LRSAM1: variants seen among roughly 807,000 people sequenced by gnomAD.
LRSAM1 encodes E3 ubiquitin-protein ligase LRSAM1.
Under a neutral mutation model 118.1 loss-of-function variants are expected in LRSAM1, and 96 were observed. That is an observed-to-expected ratio of 0.81 (90% CI 0.69 to 0.96). The LOEUF (loss-of-function observed/expected upper bound fraction) is 0.96. LRSAM1 is among the 40% of genes least tolerant of loss of function. The pLI is 0.00. For missense variants in LRSAM1, 804 were observed against 915.5 expected (o/e 0.88, Z 1.57); for synonymous variants, 322 against 364.2 (o/e 0.88, Z 1.32).
chr9:127,489,961 TGTGAGCCACG>T (rs1448498053), intron 19 of LRSAM1, among the ~76,000 whole-genome samples: 3 of 152,204 alleles, frequency 2.0e-5, no homozygotes, highest in African/African-American at 7.2e-5. Context: ...CAGGGGGAGC[TGTGAGCCACG>T]GTGGTCCTGA....
intron 9 of LRSAM1, among the ~76,000 whole-genome samples, chr9:127,467,097 A>G (rs1312674243): frequency 6.6e-6 from 1 of 152,176 alleles, no homozygotes; most frequent in Non-Finnish European, 1.5e-5. Flanking sequence ...TTAGCTGGCA[A>G]CCGAGAGGCA....
rs1436729235 is a variant in LRSAM1, at chr9:127,502,911, C to T, written c.*12C>T. 3 of 1,585,290 alleles carry T rather than the reference C, an allele frequency of 1.9e-6. No individual in the cohort carries two copies. The highest frequency in any genetic ancestry group is 2.6e-6 in the Non-Finnish European group (3 of 1,167,158). ...ACCACAGCAGCTGAGTGCTGCCCGC[C>T]CACCTGGGCCTGGTCCTAGCCCTGC... On this transcript the variant is annotated 3_prime_UTR_variant, in exon 26 of 26. Coordinates refer to ENST00000300417, the MANE Select transcript of LRSAM1 (RefSeq NM_001005373.4).
At chr9:127,485,903 G>T (rs1277524451) in intron 17 of LRSAM1, 68 bp downstream of exon 17, 8 of 1,506,546 alleles carry the variant, frequency 5.3e-6, no homozygotes, top group Non-Finnish European at 6.4e-6. Context: ...AAGACCGTGG[G>T]ATGAGAGCTG....
At chr9:127,469,674 A>G (rs926713289) in intron 10 of LRSAM1, among the ~76,000 whole-genome samples, 26 of 149,498 alleles carry the variant, frequency 1.7e-4, no homozygotes, top group African/African-American at 5.3e-4. Flanking sequence ...ATAAAAAAAC[A>G]AAAAATAGGC....
intron 2 of LRSAM1, chr9:127,453,567 G>C (rs993320583): frequency 2.6e-5 from 4 of 152,364 alleles, no homozygotes; most frequent in African/African-American, 9.7e-5. Context: ...ACAGCGTTTG[G>C]GGGGCTAGAA....
At chr9:127,454,412 T>A (rs557444588) in intron 2 of LRSAM1, 84 bp from the exon 3 acceptor site, 53 of 995,468 alleles carry the variant, frequency 5.3e-5, no homozygotes, top group Admixed American at 3.9e-5. Context: ...ACCAGCTGCA[T>A]GCTCTGTGTT....
At chr9:127,472,365 G>T (rs1835205269) in intron 10 of LRSAM1, among the ~76,000 whole-genome samples, 1 of 151,860 alleles carries the variant, frequency 6.6e-6, no homozygotes, top group African/African-American at 2.4e-5. Context: ...AAAGAGGCTG[G>T]GCATGGTGAC....
At chr9:127,462,645 G>A (rs780173932) in intron 9 of LRSAM1, among the ~76,000 whole-genome samples, 14 of 152,094 alleles carry the variant, frequency 9.2e-5, no homozygotes, top group Non-Finnish European at 1.9e-4. Flanking sequence ...GAAAGTTGTC[G>A]GTAGGGGAAC....
chr9:127,484,200 A>G (rs1188356125), intron 16 of LRSAM1, among the ~76,000 whole-genome samples: 3 of 146,362 alleles, frequency 2.0e-5, no homozygotes, highest in Non-Finnish European at 3.0e-5. Flanking sequence ...TGTCTACCAT[A>G]TTTCACTTAG....
intron 18 of LRSAM1, among the ~76,000 whole-genome samples, chr9:127,488,859 G>A (rs552549827): frequency 3.7e-4 from 56 of 152,030 alleles, no homozygotes; most frequent in Non-Finnish European, 6.3e-4. Context: ...CCAGAGTGCT[G>A]GGATTACAGA....
rs1834769509 is a variant in LRSAM1 at position 127,462,119 on chromosome 9, T to C, written c.407-133T>C. 10 of 1,284,190 alleles carry C rather than the reference T, an allele frequency of 7.8e-6. No homozygotes were observed. In the Admixed American group the frequency reaches 2.0e-4, roughly 26 times the overall value. 79.5% of individuals were successfully genotyped at this position (1,284,190 alleles called of 1,614,324 possible). ...GGACTTGAACTGGAACTCCACCTTC[T>C]TGAGCCTAGGAAACCTCAGAGCCCA... On this transcript the variant is annotated intron_variant, in intron 8 of 25. Coordinates refer to ENST00000300417, the MANE Select transcript of LRSAM1 (RefSeq NM_001005373.4).
intron 6 of LRSAM1, 52 bp from the exon 7 acceptor site, chr9:127,458,951 G>T: frequency 6.3e-7 from 1 of 1,596,168 alleles, no homozygotes. Flanking sequence ...CTGGAGCCCG[G>T]AGTCTGAGGG....
intron 22 of LRSAM1, 31 bp downstream of exon 22, chr9:127,495,449 G>A: frequency 6.3e-7 from 1 of 1,596,092 alleles, no homozygotes; most frequent in South Asian, 1.1e-5. Context: ...TCCCGGCCAG[G>A]GAGCCCTGGG....
intron 25 of LRSAM1, among the ~76,000 whole-genome samples, chr9:127,501,593 G>A (rs990903223): frequency 3.3e-5 from 5 of 152,100 alleles, no homozygotes; most frequent in Admixed American, 1.3e-4. Flanking sequence ...TCAGCCAGGC[G>A]TGGTGGTGGG....
intron 9 of LRSAM1, among the ~76,000 whole-genome samples, chr9:127,466,201 C>T (rs371770495): frequency 1.3e-5 from 2 of 151,638 alleles, no homozygotes; most frequent in Admixed American, 6.6e-5. Flanking sequence ...TCCAGCTACT[C>T]GGGAGGCTGA....
intron 8 of LRSAM1, among the ~76,000 whole-genome samples, chr9:127,461,525 A>C (rs1325203688): frequency 6.6e-6 from 1 of 152,204 alleles, no homozygotes; most frequent in East Asian, 1.9e-4. Flanking sequence ...TCAGTCACTC[A>C]TATTTATAAT....
At chr9:127,469,846 T>G (rs1835101414) in intron 10 of LRSAM1, among the ~76,000 whole-genome samples, 1 of 151,984 alleles carries the variant, frequency 6.6e-6, no homozygotes, top group Admixed American at 6.6e-5. Context: ...GCGCCTGTAG[T>G]CCCAGCTACT....
Position 127,489,447 on chromosome 9 carries a change from G to A in LRSAM1, c.1351G>A (p.Ala451Thr), listed in dbSNP as rs202166023. ...GGGCTGGTGGTCTGTGTTGCAGAGCGCGATGCAGAAGGCTGCGTTCGAGGC... is the reference window on the plus strand; with the variant it reads ...GGGCTGGTGGTCTGTGTTGCAGAGCACGATGCAGAAGGCTGCGTTCGAGGC... ...KAISQILQESAMQKAAFEALQ... is the reference protein window; with the variant it reads ...KAISQILQESTMQKAAFEALQ... The change falls in exon 19 of 26, where the codon GCG (alanine) becomes ACG (threonine). Residue 451 changes from alanine to threonine, a missense_variant. Transcript: ENST00000300417. 257 of 1,606,918 alleles carry A rather than the reference G, an allele frequency of 1.6e-4. 1 individual carries two copies. The East Asian group carries it at 5.3e-3, about 33-fold the overall frequency.
At position 127,473,865 on chromosome 9, in the gene LRSAM1, C is replaced by T. The variant is rs376671005; in HGVS notation, c.684C>T (p.Ile228=). 2.0e-5 allele frequency: 32 copies of T among 1,614,110 alleles called. No homozygotes were observed. The highest frequency in any genetic ancestry group is 1.8e-4 in the East Asian group (8 of 44,902). The part of the protein sequence containing the change: ...YLLPILEQDG[I]ENSRDSPDGP... ...TGCCAATTCTGGAGCAAGATGGAAT[C>T]GAGAACTCTCGGGACAGCCCTGATG... The change falls in exon 11 of 26, where the codon ATC becomes ATT. Residue 228 remains isoleucine, a synonymous_variant. Transcript: ENST00000300417.
Sources: allele counts gnomAD v4.1 joint callset (sites outside exome capture counted in the v4.1 genomes callset), GRCh38; gene constraint gnomAD v4.1.1; transcripts MANE v1.5; gene names NCBI Gene and HGNC (gene_info 2026-07-23, HGNC 2026-07-21).